CDKAL1: variants seen among roughly 807,000 people sequenced by gnomAD.
The protein encoded by CDKAL1 is threonylcarbamoyladenosine tRNA methylthiotransferase.
In CDKAL1, 32 loss-of-function variants were observed where a neutral mutation model predicts 68.2. The ratio of observed to expected loss-of-function variants is 0.47; its 90% CI spans 0.35 to 0.63. The LOEUF (loss-of-function observed/expected upper bound fraction) is 0.63, where lower values mean the gene tolerates loss of function less well. CDKAL1 is among the 30% of genes least tolerant of loss of function. The pLI is 0.00. For missense variants in CDKAL1, 606 were observed against 696.7 expected, an observed-to-expected ratio of 0.87 and a Z score of 1.47; for synonymous variants, 234 against 244.3, an observed-to-expected ratio of 0.96 and a Z score of 0.39.
At chr6:20,611,676 A>G (rs897540906) in intron 4 of CDKAL1, among the ~76,000 whole-genome samples, 1 of 152,204 alleles carries the variant, frequency 6.6e-6, no homozygotes, top group African/African-American at 2.4e-5. Context: ...TGTGCATACA[A>G]TGTGTAATGA....
chr6:20,831,933 T>C (rs558661633), intron 8 of CDKAL1, among the ~76,000 whole-genome samples: 1 of 152,240 alleles, frequency 6.6e-6, no homozygotes, highest in African/African-American at 2.4e-5. Context: ...TTGCTCTCAA[T>C]CGGTCATTGT....
chr6:20,601,568 C>A (rs903470785), intron 4 of CDKAL1, among the ~76,000 whole-genome samples: 1 of 152,054 alleles, frequency 6.6e-6, no homozygotes, highest in African/African-American at 2.4e-5. Flanking sequence ...CAGAGCCTCT[C>A]CTCTGTTAGC....
intron 13 of CDKAL1, among the ~76,000 whole-genome samples, chr6:21,164,459 G>A (rs1351117903): frequency 6.6e-6 from 1 of 150,754 alleles, no homozygotes; most frequent in African/African-American, 2.5e-5. Context: ...ACCTACAAAA[G>A]CAAGTCCAGG....
chr6:20,952,468 C>G (rs1045739505), intron 9 of CDKAL1, among the ~76,000 whole-genome samples: 1 of 152,138 alleles, frequency 6.6e-6, no homozygotes, highest in South Asian at 2.1e-4. Flanking sequence ...GGGTCCAGGA[C>G]GTTAGTCAGT....
chr6:20,699,748 G>A (rs975614034), intron 5 of CDKAL1, among the ~76,000 whole-genome samples: 1 of 152,154 alleles, frequency 6.6e-6, no homozygotes, highest in Non-Finnish European at 1.5e-5. Context: ...GCTGTAGCGA[G>A]AAGACCATTT....
chr6:20,762,527 A>G (rs773868876), intron 7 of CDKAL1, among the ~76,000 whole-genome samples: 2 of 152,154 alleles, frequency 1.3e-5, no homozygotes, highest in Admixed American at 1.3e-4. Context: ...TTCGCTTTCT[A>G]TGTCTACTGC....
At chr6:20,651,162 G>A (rs1768751584) in intron 5 of CDKAL1, among the ~76,000 whole-genome samples, 1 of 151,998 alleles carries the variant, frequency 6.6e-6, no homozygotes, top group Admixed American at 6.6e-5. Flanking sequence ...CCATTTTCAT[G>A]ATATTGATTC....
At position 20,792,605 on chromosome 6, in the gene CDKAL1, T is replaced by C. The variant is rs568150542; in HGVS notation, c.638+11340T>C. 5.9e-5 allele frequency among the ~76,000 whole-genome samples: 9 copies of C among 152,326 alleles called. No homozygotes were observed. The East Asian group carries it at 1.7e-3, about 29-fold the overall frequency. ...TGTTATTTTTTTCTATATAAGTTTA[T>C]GAGAACAAGATATGCAAGTATGGAT... On this transcript the variant is annotated intron_variant, in intron 8 of 15. Transcript: ENST00000274695.
At chr6:21,086,330 G>C (rs1562019275) in intron 12 of CDKAL1, among the ~76,000 whole-genome samples, 1 of 152,096 alleles carries the variant, frequency 6.6e-6, no homozygotes, top group South Asian at 2.1e-4. Context: ...ATAAAGTTCT[G>C]AGAAACTTAA....
intron 13 of CDKAL1, among the ~76,000 whole-genome samples, chr6:21,181,002 C>T (rs1221843855): frequency 6.6e-6 from 1 of 152,114 alleles, no homozygotes; most frequent in Non-Finnish European, 1.5e-5. Context: ...TCTGACCAGG[C>T]CCTTACTGCT....
intron 2 of CDKAL1, among the ~76,000 whole-genome samples, chr6:20,546,142 C>T (rs1763592578): frequency 1.3e-5 from 2 of 150,410 alleles, no homozygotes; most frequent in Admixed American, 6.7e-5. Context: ...AGGGTTTTGT[C>T]TGATTGTTTC....
At chr6:21,154,917 C>T (rs576285545) in intron 13 of CDKAL1, among the ~76,000 whole-genome samples, 33 of 151,962 alleles carry the variant, frequency 2.2e-4, no homozygotes, top group African/African-American at 7.2e-4. Flanking sequence ...CACTTGAACC[C>T]AGGAGGCGGA....
chr6:20,903,174 C>T (rs1172016039), intron 9 of CDKAL1, among the ~76,000 whole-genome samples: 2 of 152,200 alleles, frequency 1.3e-5, no homozygotes, highest in African/African-American at 2.4e-5. Flanking sequence ...CTCACTCTCT[C>T]TGTCACTCCT....
intron 13 of CDKAL1, among the ~76,000 whole-genome samples, chr6:21,140,909 A>G (rs1186548741): frequency 3.3e-5 from 5 of 152,182 alleles, no homozygotes; most frequent in African/African-American, 1.2e-4. Context: ...GGCACTTCTT[A>G]CATGGCGGCG....
At chr6:21,190,816 G>A (rs1426815998) in intron 13 of CDKAL1, among the ~76,000 whole-genome samples, 5 of 152,042 alleles carry the variant, frequency 3.3e-5, no homozygotes, top group East Asian at 1.9e-4. Flanking sequence ...ATATATCTAC[G>A]TCCTTTGTGA....
chr6:20,759,915 T>G (rs1366996352), intron 7 of CDKAL1, among the ~76,000 whole-genome samples: 1 of 152,152 alleles, frequency 6.6e-6, no homozygotes, highest in Non-Finnish European at 1.5e-5. Context: ...AATGAGAAAC[T>G]TATATTTTTT....
At chr6:20,607,172 A>T (rs532685397) in intron 4 of CDKAL1, among the ~76,000 whole-genome samples, 3 of 152,218 alleles carry the variant, frequency 2.0e-5, no homozygotes, top group Non-Finnish European at 4.4e-5. Context: ...AACGTAAAGT[A>T]GTTTTTAGAA....
At chr6:20,636,522 G>A (rs540473083) in intron 4 of CDKAL1, among the ~76,000 whole-genome samples, 68 of 152,262 alleles carry the variant, frequency 4.5e-4, no homozygotes, top group Middle Eastern at 3.4e-3. Flanking sequence ...TGGATAGTGA[G>A]CTCAGATGCG....
At chr6:20,713,217 T>C (rs911751926) in intron 5 of CDKAL1, among the ~76,000 whole-genome samples, 2 of 152,210 alleles carry the variant, frequency 1.3e-5, no homozygotes, top group Non-Finnish European at 2.9e-5. Flanking sequence ...CTTGCATCCT[T>C]TAAAGCTGTT....
Sources: gnomAD v4.1 joint callset for allele counts (sites outside exome capture counted in the v4.1 genomes callset) on GRCh38, gnomAD v4.1.1 for gene constraint, MANE v1.5 for transcripts, NCBI Gene and HGNC (gene_info 2026-07-23, HGNC 2026-07-21) for gene names.